Variants in FCHO2 observed in about 807,000 individuals in gnomAD.
The protein encoded by FCHO2 is FCH and mu domain containing endocytic adaptor 2.
FCHO2 carries 43 observed loss-of-function variants against 114.1 expected under a neutral mutation model. That is an observed-to-expected ratio of 0.38 (90% CI 0.30 to 0.49). FCHO2 has a LOEUF of 0.49. FCHO2 is among the 20% of genes least tolerant of loss of function. The probability of loss-of-function intolerance (pLI) is 0.97; values close to 1 mark genes in which losing one functional copy is unlikely to be tolerated. For missense variants in FCHO2, 807 were observed against 950.4 expected, an observed-to-expected ratio of 0.85 and a Z score of 1.98; for synonymous variants, 293 against 315.2, an observed-to-expected ratio of 0.93 and a Z score of 0.75.
chr5:73,012,270 A>G (rs1755059745), intron 6 of FCHO2, among the ~76,000 whole-genome samples: 1 of 152,158 alleles, frequency 6.6e-6, no homozygotes, highest in Non-Finnish European at 1.5e-5. Flanking sequence ...CCACTGTCAT[A>G]TATGGCATTA....
intron 22 of FCHO2, among the ~76,000 whole-genome samples, chr5:73,079,413 A>G (rs1743022148): frequency 6.6e-6 from 1 of 152,224 alleles, no homozygotes. Context: ...AGATCTAAGA[A>G]TAAATGGAAA....
At chr5:72,961,859 G>A (rs1487760252) in intron 1 of FCHO2, among the ~76,000 whole-genome samples, 1 of 152,106 alleles carries the variant, frequency 6.6e-6, no homozygotes, top group Non-Finnish European at 1.5e-5. Flanking sequence ...CCAAAGTGCT[G>A]GGATTACAGG....
chr5:73,004,417 AC>A lies in FCHO2; in HGVS notation c.496-2027del, dbSNP rs796098142. Among the ~76,000 whole-genome samples the A allele has an allele frequency of 4.6e-5, 7 of 152,180 alleles. No individual in the cohort carries two copies. In the East Asian group the frequency reaches 9.6e-4, roughly 21 times the overall value. ...TATAGGAGCAAACTAGAAAATTGTTACGGGTTTTAGTCACTTTCGCTAGGGA... is the reference window on the plus strand; with the variant it reads ...TATAGGAGCAAACTAGAAAATTGTTAGGGTTTTAGTCACTTTCGCTAGGGA... On this transcript the variant is annotated intron_variant, in intron 5 of 25. Transcript: ENST00000430046.
chr5:73,034,526 A>G, intron 8 of FCHO2, 131 bp from the exon 9 acceptor site: 1 of 632,126 alleles, frequency 1.6e-6, no homozygotes. Flanking sequence ...AACTAGAACC[A>G]TTTCAGAACA....
chr5:72,991,444 G>A (rs571707837), intron 5 of FCHO2, among the ~76,000 whole-genome samples: 2 of 152,322 alleles, frequency 1.3e-5, no homozygotes, highest in East Asian at 1.9e-4. Context: ...ATTACTTTGT[G>A]TAAAATTTAA....
intron 6 of FCHO2, among the ~76,000 whole-genome samples, chr5:73,012,389 G>A (rs1391335729): frequency 2.6e-5 from 4 of 152,094 alleles, no homozygotes; most frequent in Non-Finnish European, 4.4e-5. Context: ...TTGGGAGGCC[G>A]CGGCAGGTGG....
At position 73,087,681 on chromosome 5, in the gene FCHO2, C is replaced by G. The variant is rs776086805; in HGVS notation, c.2338C>G (p.Leu780Val). 23 of 1,613,646 alleles carry G rather than the reference C, an allele frequency of 1.4e-5. No individual in the cohort carries two copies. Among genetic ancestry groups the G allele is most frequent in the Non-Finnish European group, 1.8e-5 (21 of 1,179,746 alleles). Residue 780 changes from leucine to valine, a missense_variant, in exon 25 of 26, where the codon CTT (leucine) becomes GTT (valine). By Grantham distance (32) the Leu-to-Val change is conservative. Transcript: ENST00000430046. The part of the protein sequence containing the change: ...AVQFLSEGST[L>V]SGVDFELVGT... ...ACAATTCCTCAGCGAGGGAAGTACC[C>G]TTTCAGGAGTAGATTTCGAACTTGT...
intron 1 of FCHO2, among the ~76,000 whole-genome samples, chr5:72,957,811 G>T (rs573297980): frequency 1.3e-5 from 2 of 152,244 alleles, no homozygotes; most frequent in Non-Finnish European, 2.9e-5. Flanking sequence ...ATATCTGAGG[G>T]TTCCTCTCCA....
chr5:73,053,751 A>G (rs1264204613), intron 13 of FCHO2, among the ~76,000 whole-genome samples: 1 of 152,178 alleles, frequency 6.6e-6, no homozygotes, highest in Non-Finnish European at 1.5e-5. Flanking sequence ...GTAAACCATT[A>G]AAAATGTGTG....
intron 2 of FCHO2, among the ~76,000 whole-genome samples, chr5:72,981,892 A>G (rs1383998519): frequency 1.3e-5 from 2 of 152,164 alleles, no homozygotes; most frequent in East Asian, 1.9e-4. Flanking sequence ...TGGTTAGAAC[A>G]TGCTCCTTTA....
At chr5:73,087,474 C>T in intron 24 of FCHO2, 115 bp from the exon 25 acceptor site, 1 of 1,154,490 alleles carries the variant, frequency 8.7e-7, no homozygotes, top group Non-Finnish European at 1.2e-6. Flanking sequence ...GTTTACTGTG[C>T]ACATCTAATG....
In FCHO2 at chr5:72,968,484, T is replaced by C; in HGVS notation, c.34-14T>C. On this transcript the variant is annotated splice_polypyrimidine_tract_variant and intron_variant, in intron 1 of 25. Coordinates refer to ENST00000430046, the MANE Select transcript of FCHO2 (RefSeq NM_138782.3). Reference sequence around the variant, plus strand: ...CTGTTTTTTTATGAAACTAAAAATCTTTTTAAATTTTAGGGGGAAAAAAAT... The same window carrying C: ...CTGTTTTTTTATGAAACTAAAAATCCTTTTAAATTTTAGGGGGAAAAAAAT... The C allele has an allele frequency of 6.7e-7, 1 of 1,487,196 alleles. No individual in the cohort carries two copies. The highest frequency in any genetic ancestry group is 2.8e-5 in the Admixed American group (1 of 36,118). 92.1% of individuals were successfully genotyped at this position (1,487,196 alleles called of 1,614,324 possible). A position where few individuals can be genotyped will look rare whatever the true frequency, so the allele number is the denominator to read the frequency against.
intron 2 of FCHO2, among the ~76,000 whole-genome samples, chr5:72,980,334 T>G (rs1290263220): frequency 1.3e-5 from 2 of 152,202 alleles, no homozygotes; most frequent in African/African-American, 2.4e-5. Context: ...TTTCCGTTCT[T>G]TTGCATTTGC....
rs1356782286 is a variant in FCHO2 at position 73,089,353 on chromosome 5, A to G, written c.*1263A>G. On this transcript the variant is annotated 3_prime_UTR_variant, in exon 26 of 26. Transcript: ENST00000430046. ...GAGGGATGCATTTTTTAAAAGATTA[A>G]TTTTGGAAACAGAAGGAGAAGCACT... 1 of 152,176 alleles carries G rather than the reference A, an allele frequency of 6.6e-6. No individual in the cohort carries two copies. The highest frequency in any genetic ancestry group is 1.5e-5 in the Non-Finnish European group (1 of 67,962). The allele number at this position is 152,176 out of a possible 1,614,324, so 9.4% of individuals were successfully genotyped here. A position where few individuals can be genotyped will look rare whatever the true frequency, so the allele number is the denominator to read the frequency against.
intron 18 of FCHO2, among the ~76,000 whole-genome samples, chr5:73,064,862 C>T (rs539742516): frequency 1.5e-4 from 23 of 152,130 alleles, no homozygotes; most frequent in Non-Finnish European, 2.1e-4. Context: ...CCTAGCTAAA[C>T]ATCACCACCT....
At chr5:73,017,564 A>G (rs1755371665) in intron 8 of FCHO2, among the ~76,000 whole-genome samples, 1 of 152,154 alleles carries the variant, frequency 6.6e-6, no homozygotes, top group Admixed American at 6.5e-5. Flanking sequence ...TTAGTGGTTA[A>G]TACAATAATT....
At chr5:73,021,429 A>G in intron 8 of FCHO2, 1 of 267,054 alleles carries the variant, frequency 3.7e-6, no homozygotes. Flanking sequence ...ACTGAGGCCA[A>G]CCTGAACTGC....
Position 73,088,130 on chromosome 5 carries a change from C to G in FCHO2, c.*40C>G, listed in dbSNP as rs1289793347. On this transcript the variant is annotated 3_prime_UTR_variant, in exon 26 of 26. Transcript: ENST00000430046. ...TGATGTGGCTTCAGGGATTACAAAC[C>G]TGCCATTCTGCATTATCTGTTCTTT... 5 of 1,610,092 alleles carry G rather than the reference C, an allele frequency of 3.1e-6. No individual in the cohort carries two copies. Among genetic ancestry groups the G allele is most frequent in the South Asian group, 1.1e-5 (1 of 90,198 alleles).
rs532554150 is a variant in FCHO2, at chr5:73,053,712, G to T, written c.1174-448G>T. Among the ~76,000 whole-genome samples the T allele has an allele frequency of 2.3e-4, 34 of 150,114 alleles. No individual in the cohort carries two copies. In the South Asian group the frequency reaches 7.2e-3, roughly 32 times the overall value. ...CTTCGTCTCAAAAAAAAAAAAAAAAGGTGGTGAATATATACGAAGTATGAG... is the reference window on the plus strand; with the variant it reads ...CTTCGTCTCAAAAAAAAAAAAAAAATGTGGTGAATATATACGAAGTATGAG... On this transcript the variant is annotated intron_variant, in intron 13 of 25. Coordinates refer to ENST00000430046, the MANE Select transcript of FCHO2 (RefSeq NM_138782.3).
Sources: gnomAD v4.1 joint callset for allele counts (sites outside exome capture counted in the v4.1 genomes callset) on GRCh38, gnomAD v4.1.1 for gene constraint, MANE v1.5 for transcripts, NCBI Gene and HGNC (gene_info 2026-07-23, HGNC 2026-07-21) for gene names.